Variants in IMMP2L observed in about 807,000 individuals in gnomAD.
IMMP2L encodes inner mitochondrial membrane peptidase subunit 2.
A neutral mutation model predicts 19.3 loss-of-function variants in IMMP2L; 18 were observed. That is an observed-to-expected ratio of 0.93 (90% confidence interval 0.64 to 1.38). The LOEUF (loss-of-function observed/expected upper bound fraction) is 1.38. IMMP2L is among the 40% of genes most tolerant of loss of function. The pLI, the probability that IMMP2L is intolerant of heterozygous loss-of-function variation, is 0.00. For synonymous variants in IMMP2L, 76 were observed against 73.0 expected, an observed-to-expected ratio of 1.04 and a Z score of -0.21; for missense variants, 233 against 218.2, an observed-to-expected ratio of 1.07 and a Z score of -0.43.
At chr7:110,980,052 T>C (rs1015011000) in intron 3 of IMMP2L, among the ~76,000 whole-genome samples, 3 of 152,076 alleles carry the variant, frequency 2.0e-5, no homozygotes, top group African/African-American at 7.2e-5. Flanking sequence ...GTTTTTATAC[T>C]TTCTGGCCTT....
At chr7:110,928,325 G>A (rs150235253) in intron 4 of IMMP2L, among the ~76,000 whole-genome samples, 43 of 147,434 alleles carry the variant, frequency 2.9e-4, no homozygotes, top group African/African-American at 9.2e-4. Flanking sequence ...ATATATGTGT[G>A]TAGGTACATA....
rs893126417 is a variant in IMMP2L at position 110,728,953 on chromosome 7, C to T, written c.409-65232G>A. The stretch of plus-strand genomic sequence containing the variant: ...TCACCCAGGCTGGACTGCAATGGCG[C>T]GATCTCAGCTCACAGCAACCTCCGT... On this transcript the variant is annotated intron_variant, in intron 5 of 5. Coordinates refer to ENST00000405709, the MANE Select transcript of IMMP2L (RefSeq NM_032549.4). This position sits in a 1 kb window ranked among gnomAD's most constrained non-coding sequence, Gnocchi z 4.6. Among the ~76,000 whole-genome samples, 13 of 152,218 alleles carry T rather than the reference C, an allele frequency of 8.5e-5. No individual in the cohort carries two copies. The highest frequency in any genetic ancestry group is 1.3e-4 in the Admixed American group (2 of 15,280).
At chr7:111,501,277 A>G (rs1000349636) in intron 2 of IMMP2L, among the ~76,000 whole-genome samples, 4 of 152,252 alleles carry the variant, frequency 2.6e-5, no homozygotes, top group African/African-American at 7.2e-5. Flanking sequence ...TAGAGAAAAA[A>G]GAATAAAAAG....
intron 5 of IMMP2L, among the ~76,000 whole-genome samples, chr7:110,777,144 G>A (rs768357711): frequency 6.6e-6 from 1 of 151,864 alleles, no homozygotes; most frequent in African/African-American, 2.4e-5. Flanking sequence ...TTTCCCATGG[G>A]CCTTCTTATC....
chr7:111,157,473 C>A (rs762490089), intron 3 of IMMP2L, among the ~76,000 whole-genome samples: 21 of 151,922 alleles, frequency 1.4e-4, no homozygotes, highest in Non-Finnish European at 2.8e-4. Context: ...ATAAACTAGG[C>A]ACGAAAAGAC....
In IMMP2L at chr7:110,803,314, A is replaced by G. The variant is rs1388655109; in HGVS notation, c.408+83279T>C. Among the ~76,000 whole-genome samples the G allele has an allele frequency of 6.6e-6, 1 of 152,080 alleles. No individual in the cohort carries two copies. The highest frequency in any genetic ancestry group is 1.5e-5 in the Non-Finnish European group (1 of 67,972). On this transcript the variant is annotated intron_variant, in intron 5 of 5. Coordinates refer to ENST00000405709, the MANE Select transcript of IMMP2L (RefSeq NM_032549.4). This position sits in a 1 kb window ranked among gnomAD's most constrained non-coding sequence, Gnocchi z 4.2. Reference sequence around the variant, plus strand: ...TGAGTTGCAGAGCTTAGAGACAGCCAGTTGATGTCCACTTTGAATATCATC... The same window carrying G: ...TGAGTTGCAGAGCTTAGAGACAGCCGGTTGATGTCCACTTTGAATATCATC...
chr7:111,187,923 A>G (rs1267987115), intron 3 of IMMP2L, among the ~76,000 whole-genome samples: 1 of 152,156 alleles, frequency 6.6e-6, no homozygotes, highest in Admixed American at 6.5e-5. Context: ...ATTTACATCC[A>G]TATTGATGCT....
chr7:111,461,523 T>C (rs1840136025), intron 3 of IMMP2L, among the ~76,000 whole-genome samples: 1 of 152,070 alleles, frequency 6.6e-6, no homozygotes, highest in Non-Finnish European at 1.5e-5. Context: ...TCCCAATATA[T>C]AGCTTAAGGT....
At chr7:111,125,080 A>G in intron 3 of IMMP2L, 1 of 508,720 alleles carries the variant, frequency 2.0e-6, no homozygotes, top group Middle Eastern at 5.3e-4. Flanking sequence ...GTACAACTTC[A>G]GCATTTTAAG....
At chr7:111,291,490 G>A (rs532052057) in intron 3 of IMMP2L, among the ~76,000 whole-genome samples, 1 of 152,104 alleles carries the variant, frequency 6.6e-6, no homozygotes, top group Admixed American at 6.6e-5. Context: ...CTAAAAAAAT[G>A]TTTACCTTTA....
chr7:111,039,603 C>T lies in IMMP2L; in HGVS notation c.240-76038G>A, dbSNP rs1008666692. ...GTGAGCTCTCCCCCCTTTGTATTCC[C>T]TGCTTGCATGTTAGTCCATGTAATA... On this transcript the variant is annotated intron_variant, in intron 3 of 5. Coordinates refer to ENST00000405709, the MANE Select transcript of IMMP2L (RefSeq NM_032549.4). Among the ~76,000 whole-genome samples the T allele has an allele frequency of 3.3e-5, 5 of 152,258 alleles. No individual in the cohort carries two copies. The East Asian group carries it at 9.6e-4, about 29-fold the overall frequency.
At chr7:110,884,971 C>T (rs1199078331) in intron 5 of IMMP2L, among the ~76,000 whole-genome samples, 2 of 151,918 alleles carry the variant, frequency 1.3e-5, no homozygotes, top group African/African-American at 4.8e-5. Context: ...GTCAAAGTGG[C>T]TGCTCCATTA....
At chr7:110,860,634 T>TTATA (rs1224104455) in intron 5 of IMMP2L, among the ~76,000 whole-genome samples, 1 of 152,100 alleles carries the variant, frequency 6.6e-6, no homozygotes, top group Non-Finnish European at 1.5e-5. Flanking sequence ...CTCTACAAAA[T>TTATA]TGGAGAACAA....
In IMMP2L at chr7:111,123,774, C is replaced by T. The variant is rs147135549; in HGVS notation, c.240-160209G>A. On this transcript the variant is annotated intron_variant, in intron 3 of 5. Transcript: ENST00000405709. This position sits in a 1 kb window ranked among gnomAD's most constrained non-coding sequence, Gnocchi z 6.4. The stretch of plus-strand genomic sequence containing the variant: ...ACCCCAATGCATTTTTCAGACTCCC[C>T]AAGCTGGAATCACTCATGCTGAACA... The T allele has an allele frequency of 3.1e-6, 5 of 1,613,848 alleles. No homozygotes were observed. In the African/African-American group the frequency reaches 6.7e-5, roughly 22 times the overall value.
chr7:111,233,948 T>C (rs931381213), intron 3 of IMMP2L, among the ~76,000 whole-genome samples: 1 of 152,080 alleles, frequency 6.6e-6, no homozygotes, highest in Non-Finnish European at 1.5e-5. Flanking sequence ...GTTTATTCTG[T>C]AGCTAAAATT....
At chr7:111,275,748 T>C (rs937422266) in intron 3 of IMMP2L, among the ~76,000 whole-genome samples, 5 of 152,184 alleles carry the variant, frequency 3.3e-5, no homozygotes, top group African/African-American at 9.6e-5. Context: ...GTTCTACATA[T>C]AGAGATCTTT....
chr7:111,365,199 A>G lies in IMMP2L; in HGVS notation c.239+122039T>C, dbSNP rs547520283. 9.2e-5 allele frequency among the ~76,000 whole-genome samples: 14 copies of G among 152,200 alleles called. No homozygotes were observed. The East Asian group carries it at 9.7e-4, about 10-fold the overall frequency. On this transcript the variant is annotated intron_variant, in intron 3 of 5. Transcript: ENST00000405709. ...CCCGCAGTGGCCTTTGCACAATCCTATATCTCCTTAGTTTCCTGTACTTCA... is the reference window on the plus strand; with the variant it reads ...CCCGCAGTGGCCTTTGCACAATCCTGTATCTCCTTAGTTTCCTGTACTTCA...
intron 2 of IMMP2L, among the ~76,000 whole-genome samples, chr7:111,513,595 A>G (rs561660535): frequency 3.1e-4 from 47 of 152,254 alleles, no homozygotes; most frequent in African/African-American, 1.1e-3. Context: ...TACCACTCTC[A>G]CTTCTGGATA....
intron 5 of IMMP2L, among the ~76,000 whole-genome samples, chr7:110,798,260 T>C (rs1562982180): frequency 1.3e-5 from 2 of 151,836 alleles, no homozygotes; most frequent in African/African-American, 4.8e-5. Flanking sequence ...TTCAAAACAT[T>C]CAAATAAATG....
Sources: allele counts gnomAD v4.1 joint callset (sites outside exome capture counted in the v4.1 genomes callset), GRCh38; gene constraint gnomAD v4.1.1; non-coding constraint Gnocchi (gnomAD v3.1); transcripts MANE v1.5; gene names NCBI Gene and HGNC (gene_info 2026-07-23, HGNC 2026-07-21).